The following WWOX variants were observed in gnomAD, a reference collection of about 807,000 sequenced individuals.
WWOX encodes the protein WW domain-containing oxidoreductase.
A neutral mutation model predicts 46.2 loss-of-function variants in WWOX; 69 were observed. The observed-to-expected ratio is 1.49, with a 90% CI of 1.23 to 1.82. WWOX has a LOEUF of 1.82. Among genes scored for constraint, WWOX ranks in the 40% most tolerant of loss-of-function variants. The pLI, the probability that WWOX is intolerant of heterozygous loss-of-function variation, is 0.00. For synonymous variants in WWOX, 359 were observed against 202.6 expected, an observed-to-expected ratio of 1.77 and a Z score of -6.56; for missense variants, 919 against 542.6, an observed-to-expected ratio of 1.69 and a Z score of -6.89.
intron 5 of WWOX, among the ~76,000 whole-genome samples, chr16:78,281,856 A>C (rs746158168): frequency 9.2e-5 from 14 of 152,304 alleles, no homozygotes; most frequent in Non-Finnish European, 1.8e-4. Flanking sequence ...TCAGAGCTTA[A>C]ATATGTCATC....
intron 8 of WWOX, among the ~76,000 whole-genome samples, chr16:78,983,367 T>G (rs1219480564): frequency 6.6e-6 from 1 of 152,228 alleles, no homozygotes; most frequent in Non-Finnish European, 1.5e-5. Context: ...TTTCTTAAGT[T>G]GAGCATTGCA....
chr16:78,875,254 C>T (rs1456261095), intron 8 of WWOX, among the ~76,000 whole-genome samples: 2 of 152,082 alleles, frequency 1.3e-5, no homozygotes, highest in Non-Finnish European at 2.9e-5. Flanking sequence ...CTTTAGGGTT[C>T]TACCACTCCC....
intron 8 of WWOX, among the ~76,000 whole-genome samples, chr16:78,660,540 G>A (rs930964753): frequency 2.6e-5 from 4 of 152,028 alleles, no homozygotes; most frequent in African/African-American, 9.7e-5. Context: ...ACAACTCAGG[G>A]CCTCCTGGTC....
At chr16:78,866,130 A>T (rs1428991891) in intron 8 of WWOX, among the ~76,000 whole-genome samples, 1 of 152,134 alleles carries the variant, frequency 6.6e-6, no homozygotes, top group East Asian at 1.9e-4. Context: ...TCTCTTCCAT[A>T]ACATAGATTT....
chr16:78,849,522 G>A (rs538641310), intron 8 of WWOX, among the ~76,000 whole-genome samples: 5 of 145,660 alleles, frequency 3.4e-5, no homozygotes, highest in East Asian at 4.1e-4. Flanking sequence ...TGCAGTGAGC[G>A]GAGATCGTGA....
intron 8 of WWOX, among the ~76,000 whole-genome samples, chr16:78,997,938 G>T (rs567591557): frequency 1.4e-3 from 214 of 152,052 alleles, no homozygotes; most frequent in Non-Finnish European, 1.9e-3. Context: ...GTACAATGGC[G>T]CGATCTCAGC....
chr16:78,319,794 C>T (rs369591447), intron 5 of WWOX, among the ~76,000 whole-genome samples: 2 of 152,162 alleles, frequency 1.3e-5, no homozygotes, highest in African/African-American at 2.4e-5. Context: ...GTCACACTTG[C>T]CACCCTCCGC....
intron 6 of WWOX, among the ~76,000 whole-genome samples, chr16:78,387,236 A>G (rs778477323): frequency 3.3e-5 from 5 of 152,226 alleles, no homozygotes; most frequent in Non-Finnish European, 7.3e-5. Flanking sequence ...AGTAAGATGC[A>G]TCCTGATTAT....
At chr16:78,467,904 T>TTG (rs2084118415) in intron 8 of WWOX, among the ~76,000 whole-genome samples, 1 of 152,164 alleles carries the variant, frequency 6.6e-6, no homozygotes, top group Non-Finnish European at 1.5e-5. Flanking sequence ...GTGATACTGA[T>TTG]CAGCCTGGCT....
At chr16:79,123,634 A>C (rs568621383) in intron 8 of WWOX, among the ~76,000 whole-genome samples, 89 of 152,254 alleles carry the variant, frequency 5.8e-4, no homozygotes, top group Non-Finnish European at 1.1e-3. Context: ...TTTGACCCCA[A>C]GGCTCCAGGC....
intron 8 of WWOX, among the ~76,000 whole-genome samples, chr16:78,619,972 G>C (rs1169511840): frequency 1.3e-5 from 2 of 152,128 alleles, no homozygotes; most frequent in African/African-American, 4.8e-5. Context: ...CTGAGTTCCT[G>C]TAGCATGTGC....
chr16:78,483,487 G>A (rs1305491272), intron 8 of WWOX, among the ~76,000 whole-genome samples: 2 of 149,886 alleles, frequency 1.3e-5, no homozygotes, highest in Non-Finnish European at 2.9e-5. Context: ...GACACTGATC[G>A]GTGAAGGCAG....
At chr16:79,177,126 G>A (rs920106059) in intron 8 of WWOX, among the ~76,000 whole-genome samples, 1 of 152,192 alleles carries the variant, frequency 6.6e-6, no homozygotes, top group Non-Finnish European at 1.5e-5. Flanking sequence ...GTCCTTCTGA[G>A]GCACTGTTTT....
chr16:78,593,845 C>G (rs2045410414), intron 8 of WWOX, among the ~76,000 whole-genome samples: 1 of 152,042 alleles, frequency 6.6e-6, no homozygotes, highest in African/African-American at 2.4e-5. Flanking sequence ...CGAGGAGTCC[C>G]TGGGTCAGCT....
intron 8 of WWOX, among the ~76,000 whole-genome samples, chr16:78,662,718 G>A (rs1489967965): frequency 6.6e-6 from 1 of 152,176 alleles, no homozygotes; most frequent in Non-Finnish European, 1.5e-5. Context: ...AATTGAGGGT[G>A]GTCATTGACT....
chr16:78,906,768 C>A (rs960902301), intron 8 of WWOX, among the ~76,000 whole-genome samples: 1 of 152,190 alleles, frequency 6.6e-6, no homozygotes, highest in East Asian at 1.9e-4. Context: ...TGTTTTTGAT[C>A]ATGTGACAAG....
intron 8 of WWOX, among the ~76,000 whole-genome samples, chr16:78,480,467 T>C (rs1206045119): frequency 1.3e-5 from 2 of 152,252 alleles, no homozygotes; most frequent in African/African-American, 4.8e-5. Flanking sequence ...ACATGTACTG[T>C]CCTTTCAAAT....
intron 8 of WWOX, among the ~76,000 whole-genome samples, chr16:78,559,110 G>T (rs1187391153): frequency 1.3e-5 from 2 of 152,236 alleles, no homozygotes; most frequent in Non-Finnish European, 2.9e-5. Context: ...CAGTAGTGGG[G>T]AAGGGTGAGC....
intron 8 of WWOX, among the ~76,000 whole-genome samples, chr16:78,550,578 T>G (rs1211607787): frequency 6.6e-6 from 1 of 152,256 alleles, no homozygotes; most frequent in Non-Finnish European, 1.5e-5. Flanking sequence ...TATTTTCTAC[T>G]ATGGATGAAT....
Sources: gnomAD v4.1 joint callset for allele counts (sites outside exome capture counted in the v4.1 genomes callset) on GRCh38, gnomAD v4.1.1 for gene constraint, MANE v1.5 for transcripts, NCBI Gene and HGNC (gene_info 2026-07-23, HGNC 2026-07-21) for gene names.